The following GRIN2B variants were observed in gnomAD, a reference collection of about 807,000 sequenced individuals.
GRIN2B encodes the protein glutamate receptor ionotropic, NMDA 2B.
Under a neutral mutation model 114.5 loss-of-function variants are expected in GRIN2B, and 5 were observed. That is an observed-to-expected ratio of 0.04 (90% CI 0.02 to 0.09). The LOEUF (loss-of-function observed/expected upper bound fraction) is 0.09, where lower values mean the gene tolerates loss of function less well. GRIN2B is among the 10% of genes least tolerant of loss of function. The pLI is 1.00. For synonymous variants in GRIN2B, 787 were observed against 745.1 expected, an observed-to-expected ratio of 1.06 and a Z score of -0.92; for missense variants, 1,108 against 1,943.5, an observed-to-expected ratio of 0.57 and a Z score of 8.08.
intron 3 of GRIN2B, among the ~76,000 whole-genome samples, chr12:13,834,197 A>ATTTTTTTTTTTTTTTTTT (rs756189402): frequency 1.8e-5 from 2 of 111,520 alleles, no homozygotes; most frequent in African/African-American, 7.3e-5. Flanking sequence ...CGCCTGGCTA[A>ATTTTTTTTTTTTTTTTTT]TTTTTTTTTT....
chr12:13,852,999 T>C (rs1038414110), intron 3 of GRIN2B, among the ~76,000 whole-genome samples: 7 of 152,060 alleles, frequency 4.6e-5, no homozygotes, highest in Non-Finnish European at 8.8e-5. Flanking sequence ...CAAAACACTT[T>C]CCCACTTGAA....
chr12:13,823,587 G>C (rs903042681), intron 3 of GRIN2B, among the ~76,000 whole-genome samples: 1 of 152,018 alleles, frequency 6.6e-6, no homozygotes, highest in African/African-American at 2.4e-5. Flanking sequence ...TGCATAGAAA[G>C]TCATGTCATT....
chr12:13,611,650 A>G, intron 9 of GRIN2B, 75 bp downstream of exon 9: 2 of 1,406,204 alleles, frequency 1.4e-6, no homozygotes, highest in South Asian at 2.3e-5. Context: ...AATGCAGATA[A>G]CAAATGAGGA....
At chr12:13,761,208 T>A (rs1320079139) in intron 3 of GRIN2B, among the ~76,000 whole-genome samples, 1 of 152,200 alleles carries the variant, frequency 6.6e-6, no homozygotes, top group African/African-American at 2.4e-5. Context: ...ACTAAACAAC[T>A]TCCGCAGAAG....
intron 10 of GRIN2B, among the ~76,000 whole-genome samples, chr12:13,577,151 C>T (rs970025468): frequency 1.3e-5 from 2 of 152,174 alleles, no homozygotes; most frequent in Non-Finnish European, 2.9e-5. Flanking sequence ...TGAAGCCACA[C>T]ACTGTAAGTG....
intron 10 of GRIN2B, among the ~76,000 whole-genome samples, chr12:13,600,514 T>C (rs1472192842): frequency 6.6e-6 from 1 of 152,126 alleles, no homozygotes; most frequent in Non-Finnish European, 1.5e-5. Flanking sequence ...TGTGTGTGTG[T>C]GTGTACATTT....
intron 3 of GRIN2B, among the ~76,000 whole-genome samples, chr12:13,856,316 A>G (rs1865660537): frequency 6.6e-6 from 1 of 152,202 alleles, no homozygotes; most frequent in African/African-American, 2.4e-5. Context: ...GCCTGGGACC[A>G]GATTAAAGAG....
At chr12:13,762,885 T>TG (rs879439304) in intron 3 of GRIN2B, among the ~76,000 whole-genome samples, 1 of 152,184 alleles carries the variant, frequency 6.6e-6, no homozygotes, top group Admixed American at 6.5e-5. Flanking sequence ...GTTTTTTTTT[T>TG]GTTTGGTTTT....
chr12:13,551,654 T>C lies in GRIN2B; in HGVS notation c.*11129A>G, dbSNP rs960384264. 3.9e-5 allele frequency: 6 copies of C among 152,280 alleles called. No homozygotes were observed. The highest frequency in any genetic ancestry group is 8.8e-5 in the Non-Finnish European group (6 of 68,018). 9.4% of individuals were successfully genotyped at this position (152,280 alleles called of 1,614,324 possible). A position where few individuals can be genotyped will look rare whatever the true frequency, so the allele number is the denominator to read the frequency against. Reference sequence around the variant, plus strand: ...GAAATTTGGATCTATTTGTTAAGATTGTGTGTGTGCATTAGGGAGGTACAT... The same window carrying C: ...GAAATTTGGATCTATTTGTTAAGATCGTGTGTGTGCATTAGGGAGGTACAT... On this transcript the variant is annotated 3_prime_UTR_variant, in exon 14 of 14. Transcript: ENST00000609686.
chr12:13,903,863 A>G (rs1306666958), intron 2 of GRIN2B, among the ~76,000 whole-genome samples: 1 of 152,036 alleles, frequency 6.6e-6, no homozygotes, highest in Non-Finnish European at 1.5e-5. Flanking sequence ...GATATTATAT[A>G]CTTTGAGATT....
intron 4 of GRIN2B, among the ~76,000 whole-genome samples, chr12:13,691,904 A>T (rs1352946351): frequency 6.6e-6 from 1 of 152,158 alleles, no homozygotes; most frequent in African/African-American, 2.4e-5. Context: ...CACCTAGAGG[A>T]GATGAATTAT....
chr12:13,891,020 G>A, intron 2 of GRIN2B, among the ~76,000 whole-genome samples: 1 of 152,160 alleles, frequency 6.6e-6, no homozygotes, highest in Non-Finnish European at 1.5e-5. Flanking sequence ...CTCCCTATCA[G>A]TATTAGTGAT....
chr12:13,689,682 C>T (rs1950199309), intron 4 of GRIN2B, among the ~76,000 whole-genome samples: 1 of 152,158 alleles, frequency 6.6e-6, no homozygotes, highest in Admixed American at 6.5e-5. Flanking sequence ...GCTCAAACAT[C>T]TCCAATGGCT....
intron 2 of GRIN2B, among the ~76,000 whole-genome samples, chr12:13,973,572 T>C (rs991884313): frequency 6.6e-6 from 1 of 152,118 alleles, no homozygotes; most frequent in Non-Finnish European, 1.5e-5. Context: ...TCCACCGCCT[T>C]CTCAGGGACC....
chr12:13,622,588 AAC>A (rs1013083391), intron 5 of GRIN2B, among the ~76,000 whole-genome samples: 17 of 152,188 alleles, frequency 1.1e-4, no homozygotes, highest in Admixed American at 1.0e-3. Flanking sequence ...TATAAAAAAA[AAC>A]ACACAGACTG....
intron 3 of GRIN2B, among the ~76,000 whole-genome samples, chr12:13,853,831 T>C (rs1865613764): frequency 6.6e-6 from 1 of 152,232 alleles, no homozygotes; most frequent in African/African-American, 2.4e-5. Context: ...CAACTGACAT[T>C]TGCTGCCCCG....
chr12:13,587,280 A>AAGGG (rs1465756141), intron 10 of GRIN2B, among the ~76,000 whole-genome samples: 38 of 149,768 alleles, frequency 2.5e-4, no homozygotes, highest in African/African-American at 9.3e-4. Flanking sequence ...ACTCGTAAGC[A>AAGGG]TCTTCCTCTC....
chr12:13,787,421 AC>A (rs1864239925), intron 3 of GRIN2B, among the ~76,000 whole-genome samples: 1 of 152,218 alleles, frequency 6.6e-6, no homozygotes, highest in Non-Finnish European at 1.5e-5. Flanking sequence ...CTAGGACTAT[AC>A]CTGCCAGAAA....
chr12:13,807,946 C>T (rs955488908), intron 3 of GRIN2B, among the ~76,000 whole-genome samples: 1 of 152,132 alleles, frequency 6.6e-6, no homozygotes, highest in East Asian at 1.9e-4. Context: ...ATCTGTTATG[C>T]TTTTAGTAAT....
Sources: allele counts gnomAD v4.1 joint callset (sites outside exome capture counted in the v4.1 genomes callset), GRCh38; gene constraint gnomAD v4.1.1; transcripts MANE v1.5; gene names NCBI Gene and HGNC (gene_info 2026-07-23, HGNC 2026-07-21).